HTT: variants seen among roughly 807,000 people sequenced by gnomAD.
The protein encoded by HTT is huntingtin.
Under a neutral mutation model 362.3 loss-of-function variants are expected in HTT, and 104 were observed. That is an observed-to-expected ratio of 0.29 (90% CI 0.24 to 0.34). The LOEUF is 0.34. Among genes scored for constraint, HTT ranks in the 10% least tolerant of loss-of-function variants. The probability of loss-of-function intolerance (pLI) is 1.00; values close to 1 mark genes in which losing one functional copy is unlikely to be tolerated. For synonymous variants in HTT, 1,577 were observed against 1,548.7 expected, an observed-to-expected ratio of 1.02 and a Z score of -0.43; for missense variants, 3,301 against 3,928.6, an observed-to-expected ratio of 0.84 and a Z score of 4.27.
intron 3 of HTT, among the ~76,000 whole-genome samples, chr4:3,101,976 C>G (rs999171468): frequency 2.6e-5 from 4 of 152,222 alleles, no homozygotes; most frequent in Non-Finnish European, 5.9e-5. Flanking sequence ...CTGAACCCAT[C>G]TTATGCTGCC....
At chr4:3,168,110 C>G (rs150339528) in intron 29 of HTT, among the ~76,000 whole-genome samples, 2 of 152,360 alleles carry the variant, frequency 1.3e-5, no homozygotes, top group East Asian at 3.8e-4. Flanking sequence ...TGAGGAATCT[C>G]CCTCACTGAC....
rs368848364 is a variant in HTT, at chr4:3,240,387, A to G, written c.*328A>G. On this transcript the variant is annotated 3_prime_UTR_variant, in exon 67 of 67. Transcript: ENST00000355072. ...GTTGCCAGGTTGCAGCTGCTCTTGC[A>G]TCTGGGCCAGAAGTCCTCCCTCCTG... The G allele has an allele frequency of 5.3e-6, 2 of 377,912 alleles. No individual in the cohort carries two copies. Among genetic ancestry groups the G allele is most frequent in the East Asian group, 1.2e-4 (2 of 16,558 alleles). 23.4% of individuals were successfully genotyped at this position (377,912 alleles called of 1,614,324 possible).
At chr4:3,145,382 C>T (rs363106) in intron 24 of HTT, among the ~76,000 whole-genome samples, 154 bp downstream of exon 24, 34,087 of 152,060 alleles carry the variant, frequency 0.22, 6,330 homozygotes, top group African/African-American at 0.52. Context: ...GCTATATTAG[C>T]TGTGTGAGAC....
chr4:3,170,725 CCATAGGGCTGA>C (rs1717932200), intron 29 of HTT, among the ~76,000 whole-genome samples: 1 of 152,180 alleles, frequency 6.6e-6, no homozygotes, highest in African/African-American at 2.4e-5. Flanking sequence ...GTTGGGGCAG[CCATAGGGCTGA>C]CTTAGTCTCT....
chr4:3,074,961 C>T lies in HTT; in HGVS notation c.136C>T (p.Pro46Ser), dbSNP rs1181979177. 3.3e-6 allele frequency: 5 copies of T among 1,497,556 alleles called. No individual in the cohort carries two copies. Among genetic ancestry groups the T allele is most frequent in the Non-Finnish European group, 4.4e-6 (5 of 1,128,616 alleles). The allele number at this position is 1,497,556 out of a possible 1,614,324, so 92.8% of individuals were successfully genotyped here. A position where few individuals can be genotyped will look rare whatever the true frequency, so the allele number is the denominator to read the frequency against. ...ACAGCCGCCACCGCCGCCGCCGCCG[C>T]CGCCGCCTCCTCAGCTTCCTCAGCC... ...QQQPPPPPPP[P>S]PPPQLPQPPP... The change falls in exon 1 of 67, where the codon CCG becomes TCG. Residue 46 changes from proline (P) to serine (S), a missense_variant. Physicochemically the swap from Pro to Ser is moderately conservative, Grantham distance 74. Transcript: ENST00000355072.
intron 1 of HTT, among the ~76,000 whole-genome samples, chr4:3,076,881 T>G (rs1712582360): frequency 6.6e-6 from 1 of 152,210 alleles, no homozygotes; most frequent in African/African-American, 2.4e-5. Context: ...TTACCTTATT[T>G]AAAAAATTTA....
At chr4:3,198,485 A>C (rs1242767826) in intron 40 of HTT, among the ~76,000 whole-genome samples, 1 of 152,162 alleles carries the variant, frequency 6.6e-6, no homozygotes, top group East Asian at 1.9e-4. Flanking sequence ...TTGGCCTCCC[A>C]AAGTGCTGTG....
At chr4:3,142,648 A>T (rs1021751435) in intron 22 of HTT, 118 bp from the exon 23 acceptor site, 1 of 539,808 alleles carries the variant, frequency 1.9e-6, no homozygotes, top group Non-Finnish European at 3.3e-6. Flanking sequence ...CGTTTCACTT[A>T]AAAGTTGAGA....
At chr4:3,125,012 A>G (rs1438656201) in intron 10 of HTT, among the ~76,000 whole-genome samples, 1 of 152,186 alleles carries the variant, frequency 6.6e-6, no homozygotes, top group Non-Finnish European at 1.5e-5. Flanking sequence ...GTATTTTTAG[A>G]ACTTTCAAAT....
chr4:3,202,037 T>G (rs915437851), intron 41 of HTT, among the ~76,000 whole-genome samples: 3 of 152,198 alleles, frequency 2.0e-5, no homozygotes, highest in East Asian at 3.9e-4. Context: ...GAGGTCCTTA[T>G]GTGGGTCCTG....
In HTT at chr4:3,228,986, C is replaced by T. The variant is rs1388998815; in HGVS notation, c.8086C>T (p.Leu2696=). 6.2e-7 allele frequency: 1 copy of T among 1,613,710 alleles called. No individual in the cohort carries two copies. Among genetic ancestry groups the T allele is most frequent in the Admixed American group, 1.7e-5 (1 of 59,974 alleles). ...SSSARRTPAI[L]ISEVVRSLLV... ...CTCAGCCAGGAGGACCCCGGCCATCCTGATCAGTGAGGTGGTCAGATCCGT... is the reference window on the plus strand; with the variant it reads ...CTCAGCCAGGAGGACCCCGGCCATCTTGATCAGTGAGGTGGTCAGATCCGT... Residue 2696 remains leucine (L), a synonymous_variant, in exon 59 of 67, where the codon CTG becomes TTG. Coordinates refer to ENST00000355072, the MANE Select transcript of HTT (RefSeq NM_001388492.1). This position sits in a 1 kb window ranked among gnomAD's most constrained non-coding sequence, Gnocchi z 4.3.
At chr4:3,114,605 T>C (rs76778080) in intron 6 of HTT, among the ~76,000 whole-genome samples, 1 of 152,256 alleles carries the variant, frequency 6.6e-6, no homozygotes, top group Non-Finnish European at 1.5e-5. Context: ...TGGAATCAAG[T>C]CATGGCTCAG....
chr4:3,162,465 C>T (rs1350618071), intron 29 of HTT, among the ~76,000 whole-genome samples: 2 of 152,188 alleles, frequency 1.3e-5, no homozygotes, highest in Non-Finnish European at 2.9e-5. Context: ...TGAAGAAAGT[C>T]AGTGATAGCT....
At chr4:3,222,072 G>T (rs1157200937) in intron 53 of HTT, among the ~76,000 whole-genome samples, 1 of 152,254 alleles carries the variant, frequency 6.6e-6, no homozygotes, top group African/African-American at 2.4e-5. Context: ...GAGGTTGCCT[G>T]CATGGGCGTC....
At chr4:3,141,054 G>T (rs1276215234) in intron 22 of HTT, among the ~76,000 whole-genome samples, 3 of 152,154 alleles carry the variant, frequency 2.0e-5, no homozygotes, top group Non-Finnish European at 4.4e-5. Context: ...GTTATTTAGG[G>T]TTATCCACTA....
chr4:3,109,351 T>TA (rs11430179), intron 6 of HTT, among the ~76,000 whole-genome samples: 70,511 of 151,318 alleles, frequency 0.47, 16,948 homozygotes, highest in African/African-American at 0.57. Flanking sequence ...CTCAGCCTCC[T>TA]AGTAGCTGGG....
At chr4:3,154,244 A>T in intron 26 of HTT, 49 bp from the exon 27 acceptor site, 1 of 1,415,828 alleles carries the variant, frequency 7.1e-7, no homozygotes, top group Non-Finnish European at 9.6e-7. Flanking sequence ...TTATACTTCC[A>T]TCACATGTTT....
Position 3,131,775 on chromosome 4 carries a change from G to T in HTT, c.2236G>T (p.Glu746Ter). The T allele has an allele frequency of 6.2e-7, 1 of 1,610,612 alleles. No individual in the cohort carries two copies. The highest frequency in any genetic ancestry group is 8.5e-7 in the Non-Finnish European group (1 of 1,178,580). Residue 746 changes from glutamate to a stop codon, truncating the protein, a stop_gained and splice_region_variant, in exon 16 of 67, where the codon GAG becomes TAG. Transcript: ENST00000355072. LOFTEE classifies it high-confidence loss of function. ...KVPLDTTEYP[E>*]EQYVSDILNY... Reference sequence around the variant, plus strand: ...TCCTCTTGACACCACGGAATACCCTGGTATGTTAAAAGTTCACATCTTATT... The same window carrying T: ...TCCTCTTGACACCACGGAATACCCTTGTATGTTAAAAGTTCACATCTTATT...
At position 3,122,925 on chromosome 4, in the gene HTT, G is replaced by A; in HGVS notation, c.1310G>A (p.Arg437Lys). Residue 437 changes from arginine (R) to lysine (K), a missense_variant, in exon 10 of 67, where the codon AGA (arginine) becomes AAA (lysine). By Grantham distance (26) the Arg-to-Lys change is conservative. Around this residue, in one of 4 missense-constraint regions of HTT, gnomAD observed 2,316 missense variants for 2,658.5 expected, o/e 0.87. Coordinates refer to ENST00000355072, the MANE Select transcript of HTT (RefSeq NM_001388492.1). ...GGSSCSPVLS[R>K]KQKGKVLLGE... ...TCCTCATGCAGCCCTGTCCTTTCAA[G>A]AAAACAAAAAGGTGATTATTTCAGA... 5 of 1,610,392 alleles carry A rather than the reference G, an allele frequency of 3.1e-6. No homozygotes were observed. Among genetic ancestry groups the A allele is most frequent in the Non-Finnish European group, 4.2e-6 (5 of 1,178,274 alleles).
Sources: gnomAD v4.1 joint callset for allele counts (sites outside exome capture counted in the v4.1 genomes callset) on GRCh38, gnomAD v4.1.1 for gene constraint, gnomAD v4.1.1 regional missense constraint, Gnocchi (gnomAD v3.1) non-coding constraint, MANE v1.5 for transcripts, NCBI Gene and HGNC (gene_info 2026-07-23, HGNC 2026-07-21) for gene names.